The following MRPS6 variants were observed in gnomAD, a reference collection of about 807,000 sequenced individuals.
MRPS6 encodes small ribosomal subunit protein bS6m.
A neutral mutation model predicts 13.1 loss-of-function variants in MRPS6; 6 were observed. The observed-to-expected ratio is 0.46, with a 90% CI of 0.25 to 0.91. The LOEUF is 0.91. MRPS6 is among the 40% of genes least tolerant of loss of function. The pLI is 0.18. For synonymous variants in MRPS6, 61 were observed against 56.5 expected, an observed-to-expected ratio of 1.08 and a Z score of -0.36; for missense variants, 164 against 155.6, an observed-to-expected ratio of 1.05 and a Z score of -0.29.
At chr21:34,126,648 G>T (rs778932741) in intron 2 of MRPS6, among the ~76,000 whole-genome samples, 2 of 152,174 alleles carry the variant, frequency 1.3e-5, no homozygotes, top group Admixed American at 1.3e-4. Flanking sequence ...TTTTAACAGC[G>T]CAGTTATGGA....
chr21:34,109,558 T>C (rs1979616223), intron 1 of MRPS6, among the ~76,000 whole-genome samples: 1 of 152,210 alleles, frequency 6.6e-6, no homozygotes, highest in African/African-American at 2.4e-5. Flanking sequence ...TGCCCTCCAA[T>C]GCAGAGCCCT....
At chr21:34,119,263 A>T (rs1357173140) in intron 1 of MRPS6, among the ~76,000 whole-genome samples, 2 of 152,224 alleles carry the variant, frequency 1.3e-5, no homozygotes, top group Non-Finnish European at 2.9e-5. Context: ...ATTTTTATGT[A>T]GATGGTTCTC....
chr21:34,136,368 G>A (rs1217584936), intron 2 of MRPS6, among the ~76,000 whole-genome samples: 5 of 152,058 alleles, frequency 3.3e-5, no homozygotes, highest in Admixed American at 3.3e-4. Flanking sequence ...GGATGGTCTC[G>A]AACTCCTGAC....
chr21:34,134,890 G>T (rs536256141), intron 2 of MRPS6, among the ~76,000 whole-genome samples: 1 of 152,192 alleles, frequency 6.6e-6, no homozygotes, highest in Admixed American at 6.5e-5. Context: ...TAGGCTAAGC[G>T]TTCTGGGCAT....
intron 1 of MRPS6, among the ~76,000 whole-genome samples, chr21:34,093,874 T>C (rs1443861016): frequency 1.3e-5 from 2 of 152,208 alleles, no homozygotes; most frequent in Non-Finnish European, 2.9e-5. Flanking sequence ...TGAAGATTTA[T>C]CTAATGGTCC....
intron 1 of MRPS6, among the ~76,000 whole-genome samples, chr21:34,116,079 C>T (rs1979888231): frequency 6.6e-6 from 1 of 152,048 alleles, no homozygotes; most frequent in South Asian, 2.1e-4. Context: ...ACAGTCATGG[C>T]TCACTGCAGC....
chr21:34,101,504 T>C (rs1383223785), intron 1 of MRPS6: 1 of 1,000,076 alleles, frequency 1.0e-6, no homozygotes, highest in Non-Finnish European at 1.2e-6. Flanking sequence ...TCTTTACAAA[T>C]GGGATCTGTT....
intron 2 of MRPS6, among the ~76,000 whole-genome samples, chr21:34,128,909 A>G (rs895168204): frequency 2.0e-5 from 3 of 152,164 alleles, no homozygotes; most frequent in African/African-American, 7.2e-5. Flanking sequence ...CACTAAATAA[A>G]TCATTGGTGC....
At chr21:34,125,846 C>T (rs1006613158) in intron 2 of MRPS6, among the ~76,000 whole-genome samples, 2 of 152,134 alleles carry the variant, frequency 1.3e-5, no homozygotes, top group Admixed American at 6.5e-5. Flanking sequence ...TAAACATATG[C>T]GTTGCAAATA....
chr21:34,104,159 A>T (rs969445573), intron 1 of MRPS6: 1 of 999,854 alleles, frequency 1.0e-6, no homozygotes, highest in Non-Finnish European at 1.2e-6. Context: ...CTTCATTTTA[A>T]TAAAGGATAA....
intron 1 of MRPS6, among the ~76,000 whole-genome samples, chr21:34,114,397 A>T (rs561742376): frequency 6.6e-6 from 1 of 152,174 alleles, no homozygotes; most frequent in South Asian, 2.1e-4. Context: ...ACAAACTGCA[A>T]TTCAGCCAGA....
At chr21:34,082,816 G>A (rs1173363013) in intron 1 of MRPS6, among the ~76,000 whole-genome samples, 6 of 151,912 alleles carry the variant, frequency 3.9e-5, no homozygotes, top group Admixed American at 2.6e-4. Context: ...TTGTTCTTAC[G>A]TACGTTTTGG....
chr21:34,104,132 T>C (rs1005585902), intron 1 of MRPS6: 6 of 999,966 alleles, frequency 6.0e-6, no homozygotes, highest in Non-Finnish European at 6.0e-6. Flanking sequence ...TTTATTTTTT[T>C]CCTATACTTG....
At chr21:34,088,315 T>G (rs1978502087) in intron 1 of MRPS6, among the ~76,000 whole-genome samples, 1 of 152,234 alleles carries the variant, frequency 6.6e-6, no homozygotes, top group Non-Finnish European at 1.5e-5. Flanking sequence ...GCAGAAAGCG[T>G]TGAACTTGGA....
intron 1 of MRPS6, among the ~76,000 whole-genome samples, chr21:34,121,806 AATAG>A (rs1196377630): frequency 6.6e-6 from 1 of 152,206 alleles, no homozygotes; most frequent in African/African-American, 2.4e-5. Flanking sequence ...ATTTTATTTT[AATAG>A]ATCTATAGGT....
At position 34,096,647 on chromosome 21, in the gene MRPS6, C is replaced by G. The variant is rs151207838; in HGVS notation, c.45+22902C>G. On this transcript the variant is annotated intron_variant, in intron 1 of 2. Coordinates refer to ENST00000399312, the MANE Select transcript of MRPS6 (RefSeq NM_032476.4). The surrounding 1 kb of genome is among the most constrained non-coding windows in gnomAD (Gnocchi z 5.9). Reference sequence around the variant, plus strand: ...TGGCTGGCTTTGTTCTTGGAGCAGTCCGTTTGATACTGGCCTTTGCCTACC... The same window carrying G: ...TGGCTGGCTTTGTTCTTGGAGCAGTGCGTTTGATACTGGCCTTTGCCTACC... 20 of 1,614,036 alleles carry G rather than the reference C, an allele frequency of 1.2e-5. No homozygotes were observed. The African/African-American group carries it at 2.1e-4, about 17-fold the overall frequency.
At chr21:34,111,768 C>T (rs1168497327) in intron 1 of MRPS6, among the ~76,000 whole-genome samples, 2 of 152,124 alleles carry the variant, frequency 1.3e-5, no homozygotes, top group Non-Finnish European at 2.9e-5. Context: ...TAAGGTAGGC[C>T]CCCTGTAAAG....
chr21:34,131,443 C>T (rs1013540384), intron 2 of MRPS6, among the ~76,000 whole-genome samples: 9 of 152,182 alleles, frequency 5.9e-5, no homozygotes, highest in African/African-American at 2.4e-5. Context: ...TTCTGGTCAC[C>T]TTCCCTTGAA....
At chr21:34,097,245 G>T in intron 1 of MRPS6, 1 of 1,614,054 alleles carries the variant, frequency 6.2e-7, no homozygotes, top group Non-Finnish European at 8.5e-7. Context: ...AGAGGAGGCT[G>T]TTTGTTTACA....
Sources: allele counts gnomAD v4.1 joint callset (sites outside exome capture counted in the v4.1 genomes callset), GRCh38; gene constraint gnomAD v4.1.1; non-coding constraint Gnocchi (gnomAD v3.1); transcripts MANE v1.5; gene names NCBI Gene and HGNC (gene_info 2026-07-23, HGNC 2026-07-21).